PRKCH: variants seen among roughly 807,000 people sequenced by gnomAD.
PRKCH encodes the protein protein kinase C eta, also known as protein kinase C eta type.
PRKCH carries 28 observed loss-of-function variants against 82.5 expected under a neutral mutation model. That is an observed-to-expected ratio of 0.34 (90% CI 0.25 to 0.47). The LOEUF (loss-of-function observed/expected upper bound fraction) is 0.47, where lower values mean the gene tolerates loss of function less well. Among genes scored for constraint, PRKCH ranks in the 20% least tolerant of loss-of-function variants. The pLI, the probability that PRKCH is intolerant of heterozygous loss-of-function variation, is 1.00. For missense variants in PRKCH, 705 were observed against 881.8 expected (o/e 0.80, Z 2.54); for synonymous variants, 322 against 327.4 (o/e 0.98, Z 0.18).
In PRKCH at chr14:61,510,118, A is replaced by G. The variant is rs182134846; in HGVS notation, c.1434-18957A>G. On this transcript the variant is annotated intron_variant, in intron 10 of 13. Coordinates refer to ENST00000332981, the MANE Select transcript of PRKCH (RefSeq NM_006255.5). ...TGCTAAGGAATCATGAGGACTCGGT[A>G]TGATCAGAGGACCAGAGCCTGGGAA... is the stretch of plus-strand genomic sequence containing the variant. Among the ~76,000 whole-genome samples the G allele has an allele frequency of 6.3e-4, 96 of 152,250 alleles. 1 individual carries two copies. Among genetic ancestry groups the G allele is most frequent in the African/African-American group, 1.7e-3 (72 of 41,512 alleles).
chr14:61,364,080 C>T (rs1028041085), intron 1 of PRKCH, among the ~76,000 whole-genome samples: 3 of 146,580 alleles, frequency 2.0e-5, no homozygotes, highest in African/African-American at 7.6e-5. Context: ...AATAAATTGC[C>T]CAGGCTGGTT....
chr14:61,342,628 G>A (rs1436972774), intron 1 of PRKCH, among the ~76,000 whole-genome samples: 1 of 152,172 alleles, frequency 6.6e-6, no homozygotes. Flanking sequence ...GTTTCCACAG[G>A]AACTCTGCCC....
chr14:61,263,592 C>T (rs2045069304), intron 1 of PRKCH, among the ~76,000 whole-genome samples: 1 of 152,128 alleles, frequency 6.6e-6, no homozygotes, highest in South Asian at 2.1e-4. Flanking sequence ...ATTCTATTGC[C>T]AATTATCTAT....
intron 1 of PRKCH, among the ~76,000 whole-genome samples, chr14:61,290,884 C>T (rs1445870019): frequency 6.6e-6 from 1 of 152,150 alleles, no homozygotes; most frequent in East Asian, 1.9e-4. Flanking sequence ...AATACAGAGC[C>T]ATATGTTTTA....
intron 1 of PRKCH, among the ~76,000 whole-genome samples, chr14:61,360,441 G>C (rs896906991): frequency 6.6e-6 from 1 of 152,084 alleles, no homozygotes; most frequent in Non-Finnish European, 1.5e-5. Context: ...GGAGGCGGAG[G>C]TTGCAGGGAG....
intron 10 of PRKCH, chr14:61,492,332 T>A (rs1886482334): frequency 6.6e-6 from 1 of 152,230 alleles, no homozygotes; most frequent in Non-Finnish European, 1.5e-5. Context: ...TGTGTCCAGG[T>A]CTGTGCATTT....
At chr14:61,274,509 T>C (rs2045185849) in intron 1 of PRKCH, among the ~76,000 whole-genome samples, 1 of 152,076 alleles carries the variant, frequency 6.6e-6, no homozygotes. Flanking sequence ...AGATGAGAAG[T>C]AGCAAAGCCC....
At chr14:61,547,578 A>G (rs1206591428) in intron 12 of PRKCH, among the ~76,000 whole-genome samples, 165 bp from the exon 13 acceptor site, 1 of 152,254 alleles carries the variant, frequency 6.6e-6, no homozygotes, top group African/African-American at 2.4e-5. Flanking sequence ...CCTTTAAGGC[A>G]TGATTCATAC....
intron 1 of PRKCH, among the ~76,000 whole-genome samples, chr14:61,235,865 AG>A (rs1169066174): frequency 6.6e-6 from 1 of 152,236 alleles, no homozygotes; most frequent in Non-Finnish European, 1.5e-5. Context: ...AGTGACATAC[AG>A]CAAACAGGAG....
intron 1 of PRKCH, chr14:61,305,332 T>A (rs191556970): frequency 1.2e-3 from 176 of 151,074 alleles, no homozygotes; most frequent in African/African-American, 3.5e-3. Flanking sequence ...TATAGACATG[T>A]GCCACCATGC....
intron 1 of PRKCH, among the ~76,000 whole-genome samples, chr14:61,268,640 C>T (rs1438626398): frequency 6.6e-6 from 1 of 152,168 alleles, no homozygotes; most frequent in Non-Finnish European, 1.5e-5. Context: ...TGCACTCCAA[C>T]CTGGGTGACA....
At chr14:61,229,097 A>G (rs1159592990) in intron 1 of PRKCH, among the ~76,000 whole-genome samples, 1 of 152,144 alleles carries the variant, frequency 6.6e-6, no homozygotes, top group Non-Finnish European at 1.5e-5. Context: ...AAATATTTAG[A>G]TAAGAGAACA....
chr14:61,293,656 T>C (rs2045382358), intron 1 of PRKCH, among the ~76,000 whole-genome samples: 1 of 152,198 alleles, frequency 6.6e-6, no homozygotes, highest in Non-Finnish European at 1.5e-5. Context: ...ATAAATCTGC[T>C]TTTAGAGTTT....
chr14:61,522,672 C>G (rs1214773394), intron 10 of PRKCH, among the ~76,000 whole-genome samples: 2 of 152,232 alleles, frequency 1.3e-5, no homozygotes, highest in African/African-American at 4.8e-5. Context: ...CATGTTTTCT[C>G]CTCATTGCAC....
chr14:61,544,365 CA>C (rs1246469505), intron 12 of PRKCH: 8 of 152,206 alleles, frequency 5.3e-5, no homozygotes, highest in Non-Finnish European at 1.5e-5. Context: ...TGTGATGTGA[CA>C]TTTCCTAGCG....
At chr14:61,511,088 C>T (rs1887357171) in intron 10 of PRKCH, among the ~76,000 whole-genome samples, 1 of 152,118 alleles carries the variant, frequency 6.6e-6, no homozygotes, top group Non-Finnish European at 1.5e-5. Context: ...AATAGAGTCA[C>T]CACACAGTGA....
chr14:61,323,760 A>T (rs1395243750), intron 1 of PRKCH, among the ~76,000 whole-genome samples: 1 of 152,226 alleles, frequency 6.6e-6, no homozygotes, highest in Non-Finnish European at 1.5e-5. Context: ...GGTACTTAGA[A>T]GTGGGGACTA....
chr14:61,546,063 G>A (rs1461125148), intron 12 of PRKCH, among the ~76,000 whole-genome samples: 2 of 152,188 alleles, frequency 1.3e-5, no homozygotes, highest in African/African-American at 4.8e-5. Context: ...TTAGCTCTTA[G>A]AATAGCAACT....
intron 1 of PRKCH, among the ~76,000 whole-genome samples, chr14:61,209,710 A>G (rs2044554774): frequency 6.6e-6 from 1 of 152,122 alleles, no homozygotes; most frequent in Non-Finnish European, 1.5e-5. Context: ...TTACATGGGT[A>G]TATAGCTTAA....
Sources: gnomAD v4.1 joint callset for allele counts (sites outside exome capture counted in the v4.1 genomes callset) on GRCh38, gnomAD v4.1.1 for gene constraint, MANE v1.5 for transcripts, NCBI Gene and HGNC (gene_info 2026-07-23, HGNC 2026-07-21) for gene names.